The following AGBL3 variants were observed in gnomAD, a reference collection of about 807,000 sequenced individuals.
AGBL3 encodes AGBL carboxypeptidase 3, also known as cytosolic carboxypeptidase 3.
A neutral mutation model predicts 94.5 loss-of-function variants in AGBL3; 68 were observed. The observed-to-expected ratio is 0.72, with a 90% CI of 0.59 to 0.88. The LOEUF is 0.88. Among genes scored for constraint, AGBL3 ranks in the 40% least tolerant of loss-of-function variants. The pLI, the probability that AGBL3 is intolerant of heterozygous loss-of-function variation, is 0.00. For synonymous variants in AGBL3, 354 were observed against 370.7 expected (o/e 0.95, Z 0.52); for missense variants, 934 against 1,103.8 (o/e 0.85, Z 2.18).
chr7:134,987,916 A>G lies in AGBL3; in HGVS notation c.-18A>G. The G allele has an allele frequency of 1.3e-6, 2 of 1,541,328 alleles. No homozygotes were observed. The highest frequency in any genetic ancestry group is 8.8e-7 in the Non-Finnish European group (1 of 1,141,458). Reference sequence around the variant, plus strand: ...TACCCGTATATTACAAGAAATCTCAAGTCAAACACTGGAAAAGATGTCAGA... The same window carrying G: ...TACCCGTATATTACAAGAAATCTCAGGTCAAACACTGGAAAAGATGTCAGA... On this transcript the variant is annotated 5_prime_UTR_variant, in exon 2 of 17. Transcript: ENST00000436302.
chr7:135,085,988 A>C (rs1173091619), intron 15 of AGBL3, among the ~76,000 whole-genome samples: 2 of 151,568 alleles, frequency 1.3e-5, no homozygotes, highest in Non-Finnish European at 3.0e-5. Context: ...TGAGATGTCT[A>C]TTTGTATCCT....
chr7:135,019,894 A>G (rs1266506232), intron 5 of AGBL3, among the ~76,000 whole-genome samples: 2 of 152,186 alleles, frequency 1.3e-5, no homozygotes, highest in South Asian at 2.1e-4. Context: ...TTCCTTACAC[A>G]TTATACAAAA....
chr7:135,038,844 A>G (rs1374679759), intron 8 of AGBL3, among the ~76,000 whole-genome samples: 1 of 152,104 alleles, frequency 6.6e-6, no homozygotes, highest in Admixed American at 6.6e-5. Flanking sequence ...CTGTAGTCCC[A>G]GCTACTCAGG....
intron 4 of AGBL3, among the ~76,000 whole-genome samples, chr7:135,015,714 T>C (rs921075625): frequency 8.6e-5 from 13 of 152,042 alleles, no homozygotes; most frequent in African/African-American, 3.1e-4. Context: ...CGTGCAACTT[T>C]TGAAGATCAG....
At chr7:135,119,068 CAGA>C (rs1826742536) in intron 16 of AGBL3, among the ~76,000 whole-genome samples, 1 of 152,000 alleles carries the variant, frequency 6.6e-6, no homozygotes, top group South Asian at 2.1e-4. Flanking sequence ...ATCGTAGTTT[CAGA>C]AGGACAGGAG....
intron 5 of AGBL3, among the ~76,000 whole-genome samples, chr7:135,027,892 A>G (rs2116375988): frequency 6.6e-6 from 1 of 151,804 alleles, no homozygotes; most frequent in Admixed American, 6.6e-5. Context: ...GCCATAATTT[A>G]TACAACCATG....
chr7:135,065,094 T>C (rs141402237), intron 12 of AGBL3, among the ~76,000 whole-genome samples: 7 of 152,312 alleles, frequency 4.6e-5, no homozygotes, highest in Non-Finnish European at 1.0e-4. Context: ...TCCTCCTATA[T>C]AGTAGTTCTC....
chr7:135,077,562 T>A (rs1820570082), intron 13 of AGBL3, among the ~76,000 whole-genome samples: 1 of 152,012 alleles, frequency 6.6e-6, no homozygotes, highest in African/African-American at 2.4e-5. Context: ...AAGGACAGTC[T>A]CAAAAGCAGT....
At chr7:135,089,037 G>A (rs1821560773) in intron 15 of AGBL3, among the ~76,000 whole-genome samples, 1 of 150,400 alleles carries the variant, frequency 6.6e-6, no homozygotes, top group Middle Eastern at 3.2e-3. Flanking sequence ...TGTCCCATAT[G>A]TCTTGCAGGT....
intron 15 of AGBL3, among the ~76,000 whole-genome samples, chr7:135,088,127 T>C (rs1053405897): frequency 1.3e-5 from 2 of 152,152 alleles, no homozygotes; most frequent in Non-Finnish European, 2.9e-5. Context: ...GATATAAGTA[T>C]AGATACTTCT....
At chr7:135,115,785 G>A (rs897158329) in intron 16 of AGBL3, 174 bp downstream of exon 16, 2 of 555,812 alleles carry the variant, frequency 3.6e-6, no homozygotes, top group Non-Finnish European at 6.3e-6. Flanking sequence ...CTGGATAAAT[G>A]AAGGAGTAAG....
intron 16 of AGBL3, among the ~76,000 whole-genome samples, chr7:135,119,223 C>T (rs1016111307): frequency 6.6e-6 from 1 of 151,834 alleles, no homozygotes; most frequent in Non-Finnish European, 1.5e-5. Flanking sequence ...CCAAGATACC[C>T]CAAAATTTAA....
intron 12 of AGBL3, among the ~76,000 whole-genome samples, chr7:135,072,706 T>C (rs930933886): frequency 2.1e-5 from 3 of 143,860 alleles, no homozygotes; most frequent in Non-Finnish European, 3.0e-5. Flanking sequence ...TAGGTGGGAA[T>C]TGAACAATGA....
intron 11 of AGBL3, among the ~76,000 whole-genome samples, chr7:135,046,209 GC>G (rs1554503429): frequency 6.6e-6 from 1 of 151,992 alleles, no homozygotes; most frequent in Non-Finnish European, 1.5e-5. Context: ...CTTTATTTTA[GC>G]TTTTTAGAGC....
At chr7:135,080,373 G>A in intron 14 of AGBL3, 113 bp downstream of exon 14, 1 of 759,794 alleles carries the variant, frequency 1.3e-6, no homozygotes. Flanking sequence ...GATATTAAAT[G>A]TATATGATAC....
chr7:135,093,978 A>G (rs1822255058), intron 15 of AGBL3: 1 of 171,374 alleles, frequency 5.8e-6, no homozygotes, highest in Admixed American at 5.8e-5. Context: ...CAAAGATGCC[A>G]GGACAATTGG....
chr7:135,098,000 T>C (rs1759805704), intron 15 of AGBL3, among the ~76,000 whole-genome samples: 2 of 152,176 alleles, frequency 1.3e-5, no homozygotes, highest in African/African-American at 4.8e-5. Context: ...TGACATTCAA[T>C]GTGCTTTAGA....
chr7:135,069,367 A>C (rs1362241826), intron 12 of AGBL3, among the ~76,000 whole-genome samples: 1 of 152,212 alleles, frequency 6.6e-6, no homozygotes, highest in Non-Finnish European at 1.5e-5. Flanking sequence ...GCTCTGCACC[A>C]AGCAGACCTA....
chr7:135,102,249 T>C (rs1325977303), intron 15 of AGBL3, among the ~76,000 whole-genome samples: 1 of 152,208 alleles, frequency 6.6e-6, no homozygotes, highest in Non-Finnish European at 1.5e-5. Flanking sequence ...CAATGGAACA[T>C]AAAGTTTCTT....
Sources: allele counts gnomAD v4.1 joint callset (sites outside exome capture counted in the v4.1 genomes callset), GRCh38; gene constraint gnomAD v4.1.1; transcripts MANE v1.5; gene names NCBI Gene and HGNC (gene_info 2026-07-23, HGNC 2026-07-21).